CCDC18: variants seen among roughly 807,000 people sequenced by gnomAD.
CCDC18 encodes coiled-coil domain-containing protein 18.
In CCDC18, 157 loss-of-function variants were observed where a neutral mutation model predicts 196.0. That is an observed-to-expected ratio of 0.80 (90% confidence interval 0.70 to 0.91). CCDC18 has a LOEUF of 0.91. Ranked by LOEUF, CCDC18 falls within the 40% of genes least tolerant of loss-of-function variation. The pLI, the probability that CCDC18 is intolerant of heterozygous loss-of-function variation, is 0.00. For synonymous variants in CCDC18, 482 were observed against 529.2 expected, an observed-to-expected ratio of 0.91 and a Z score of 1.22; for missense variants, 1,465 against 1,611.6, an observed-to-expected ratio of 0.91 and a Z score of 1.56.
At chr1:93,261,409 A>C (rs1353542926) in intron 26 of CCDC18, among the ~76,000 whole-genome samples, 1 of 152,180 alleles carries the variant, frequency 6.6e-6, no homozygotes, top group Non-Finnish European at 1.5e-5. Flanking sequence ...AAATACATTG[A>C]CCATTTTCTT....
Position 93,258,871 on chromosome 1 carries a change from G to T in CCDC18, c.3670G>T (p.Ala1224Ser). The T allele has an allele frequency of 6.3e-7, 1 of 1,593,282 alleles. No individual in the cohort carries two copies. ...AGCAGAAGTAGAATCTCTCAAAGAA[G>T]CTTATCATATGGAGGTAAAGAAAAA... Reference protein sequence around the residue: ...LSAEVESLKEAYHMEMISHQE... With the variant: ...LSAEVESLKESYHMEMISHQE... Residue 1224 changes from alanine to serine, a missense_variant, in exon 26 of 29, where the codon GCT becomes TCT. Physicochemically the swap from Ala to Ser is moderately conservative, Grantham distance 99. Transcript: ENST00000690025.
In CCDC18 at chr1:93,264,728, A is replaced by G. The variant is rs767387894; in HGVS notation, c.3712A>G (p.Lys1238Glu). The change falls in exon 27 of 29, where the codon AAG becomes GAG. Residue 1238 changes from lysine (K) to glutamate (E), a missense_variant. Physicochemically the swap from Lys to Glu is moderately conservative, Grantham distance 56 (BLOSUM62 1). Transcript: ENST00000690025. ...EMISHQENHA[K>E]WKISADSQKS... Reference sequence around the variant, plus strand: ...GATTTCACATCAAGAGAACCATGCAAAGTGGAAGATTTCTGCTGACTCTCA... The same window carrying G: ...GATTTCACATCAAGAGAACCATGCAGAGTGGAAGATTTCTGCTGACTCTCA... 6.2e-7 allele frequency: 1 copy of G among 1,612,700 alleles called. No individual in the cohort carries two copies. Among genetic ancestry groups the G allele is most frequent in the East Asian group, 2.2e-5 (1 of 44,772 alleles).
rs1432015962 is a variant in CCDC18 at position 93,183,437 on chromosome 1, A to C, written c.76A>C (p.Arg26=). 6.2e-7 allele frequency: 1 copy of C among 1,608,638 alleles called. No individual in the cohort carries two copies. The highest frequency in any genetic ancestry group is 8.5e-7 in the Non-Finnish European group (1 of 1,176,944). ...TTTGCTTGCAAATGTTGCTTCCTTA[A>C]GACATGAACTGAAGATAACAGAATG... is the stretch of plus-strand genomic sequence containing the variant. ...ESLLANVASL[R]HELKITEWSL... Residue 26 remains arginine, a synonymous_variant, in exon 2 of 29, where the codon AGA becomes CGA. Transcript: ENST00000690025.
At chr1:93,252,518 A>G (rs554420615) in intron 23 of CCDC18, among the ~76,000 whole-genome samples, 3 of 151,340 alleles carry the variant, frequency 2.0e-5, no homozygotes, top group Non-Finnish European at 2.9e-5. Context: ...AAATTTCTCA[A>G]TTGATTCCCT....
At chr1:93,274,370 C>G (rs146412138) in intron 28 of CCDC18, among the ~76,000 whole-genome samples, 2 of 151,936 alleles carry the variant, frequency 1.3e-5, no homozygotes, top group African/African-American at 4.8e-5. Context: ...CCACAGCACT[C>G]CAGCCTGGGT....
chr1:93,217,991 A>T (rs1570405962), intron 14 of CCDC18, 122 bp downstream of exon 14: 2 of 725,836 alleles, frequency 2.8e-6, no homozygotes, highest in East Asian at 5.0e-5. Flanking sequence ...AAGAGCTGTA[A>T]TTAGAATCCC....
chr1:93,215,455 C>G (rs963402668), intron 12 of CCDC18, among the ~76,000 whole-genome samples: 1 of 139,914 alleles, frequency 7.1e-6, no homozygotes, highest in African/African-American at 2.6e-5. Context: ...TTTTCTTTTT[C>G]TTTTTTTTTT....
rs559128910 is a variant in CCDC18 at position 93,271,445 on chromosome 1, A to G, written c.4353+631A>G. 4.4e-5 allele frequency: 43 copies of G among 985,284 alleles called. No homozygotes were observed. In the African/African-American group the frequency reaches 7.2e-4, roughly 16 times the overall value. The allele number at this position is 985,284 out of a possible 1,614,324, so 61.0% of individuals were successfully genotyped here. On this transcript the variant is annotated intron_variant, in intron 28 of 28. Coordinates refer to ENST00000690025, the MANE Select transcript of CCDC18 (RefSeq NM_001378204.1). ...GAACATGTACTTTCAAGCCTTTAAT[A>G]TGCTTGCCTGTTTTGCTTCTCTGCT...
chr1:93,191,120 C>T (rs1000954949), intron 4 of CCDC18: 14 of 534,716 alleles, frequency 2.6e-5, no homozygotes, highest in African/African-American at 2.5e-4. Flanking sequence ...AATTGAGTTT[C>T]TCCAGCAAAG....
chr1:93,233,220 A>C (rs926670152), intron 18 of CCDC18, among the ~76,000 whole-genome samples: 2 of 152,200 alleles, frequency 1.3e-5, no homozygotes, highest in African/African-American at 4.8e-5. Flanking sequence ...TCCTTAAAGA[A>C]ATGGCAAAGC....
chr1:93,217,663 T>G, intron 13 of CCDC18, 75 bp from the exon 14 acceptor site: 1 of 1,274,758 alleles, frequency 7.8e-7, no homozygotes, highest in Non-Finnish European at 1.1e-6. Flanking sequence ...AGTCTTGAAC[T>G]CCTGGATTCA....
chr1:93,180,898 T>A, intron 1 of CCDC18, 46 bp downstream of exon 1: 1 of 1,362,318 alleles, frequency 7.3e-7, no homozygotes, highest in Non-Finnish European at 9.8e-7. Flanking sequence ...CGACTGCGCC[T>A]TGGCGTGGGG....
chr1:93,238,769 G>A (rs519723), intron 19 of CCDC18, among the ~76,000 whole-genome samples: 29,952 of 152,058 alleles, frequency 0.2, 3,392 homozygotes, highest in African/African-American at 0.3. Context: ...TTAACAGCTA[G>A]TTGTATTATC....
At position 93,186,472 on chromosome 1, in the gene CCDC18, T is replaced by G. The variant is rs1650694134; in HGVS notation, c.431T>G (p.Ile144Ser). The change falls in exon 4 of 29, where the codon ATT becomes AGT. Residue 144 changes from isoleucine (I) to serine (S), a missense_variant. Ile to Ser is a moderately radical substitution (Grantham distance 142). Transcript: ENST00000690025. ...NHSLMTKFESIHFELTQSRAK... is the reference protein window; with the variant it reads ...NHSLMTKFESSHFELTQSRAK... ...TCCTTAATGACTAAATTTGAATCTA[T>G]TCACTTTGAATTAACACAGTCAAGA... is the stretch of plus-strand genomic sequence containing the variant. The G allele has an allele frequency of 1.2e-6, 2 of 1,610,400 alleles. No individual in the cohort carries two copies. Among genetic ancestry groups the G allele is most frequent in the African/African-American group, 1.3e-5 (1 of 74,812 alleles).
intron 17 of CCDC18, among the ~76,000 whole-genome samples, chr1:93,230,431 G>A (rs997882732): frequency 6.6e-6 from 1 of 151,558 alleles, no homozygotes; most frequent in Non-Finnish European, 1.5e-5. Flanking sequence ...GGCGGAGCTT[G>A]CAGTGAGCCG....
rs1357012466 is a variant in CCDC18, at chr1:93,256,302, T to C, written c.3343-33T>C. The C allele has an allele frequency of 1.9e-6, 3 of 1,585,634 alleles. No homozygotes were observed. The African/African-American group carries it at 4.0e-5, about 21-fold the overall frequency. On this transcript the variant is annotated intron_variant, in intron 24 of 28. Transcript: ENST00000690025. ...AGAAATAGGTTATCTATATATTTCATTCTGAAACCTACAAATACCTTATGC... is the reference window on the plus strand; with the variant it reads ...AGAAATAGGTTATCTATATATTTCACTCTGAAACCTACAAATACCTTATGC...
chr1:93,206,442 A>G (rs965892695), intron 8 of CCDC18, among the ~76,000 whole-genome samples: 6 of 152,144 alleles, frequency 3.9e-5, no homozygotes, highest in South Asian at 2.1e-4. Flanking sequence ...GTAATTAGAT[A>G]TGATTTCTTA....
intron 6 of CCDC18, among the ~76,000 whole-genome samples, chr1:93,196,626 C>T (rs1480526471): frequency 2.0e-5 from 3 of 152,128 alleles, no homozygotes; most frequent in Non-Finnish European, 4.4e-5. Flanking sequence ...ATTCTTTATA[C>T]ATTTATCAGG....
chr1:93,250,289 G>A (rs1470845654), intron 23 of CCDC18, among the ~76,000 whole-genome samples: 2 of 150,302 alleles, frequency 1.3e-5, no homozygotes, highest in Non-Finnish European at 2.9e-5. Context: ...GCTGAGGCGG[G>A]AGGATCACTT....
Sources: gnomAD v4.1 joint callset for allele counts (sites outside exome capture counted in the v4.1 genomes callset) on GRCh38, gnomAD v4.1.1 for gene constraint, MANE v1.5 for transcripts, NCBI Gene and HGNC (gene_info 2026-07-23, HGNC 2026-07-21) for gene names.